POC5: variants seen among roughly 807,000 people sequenced by gnomAD.
POC5 encodes centrosomal protein POC5.
In POC5, 48 loss-of-function variants were observed where a neutral mutation model predicts 62.9. The observed-to-expected ratio is 0.76, with a 90% CI of 0.61 to 0.97. POC5 has a LOEUF of 0.97. Among genes scored for constraint, POC5 ranks in the 50% least tolerant of loss-of-function variants. The probability of loss-of-function intolerance (pLI) is 0.00; values close to 1 mark genes in which losing one functional copy is unlikely to be tolerated. For missense variants in POC5, 696 were observed against 679.5 expected (o/e 1.02, Z -0.27); for synonymous variants, 236 against 228.2 (o/e 1.03, Z -0.31).
intron 1 of POC5, among the ~76,000 whole-genome samples, chr5:75,715,947 T>G (rs968917062): frequency 6.6e-6 from 1 of 152,120 alleles, no homozygotes; most frequent in Non-Finnish European, 1.5e-5. Flanking sequence ...CAAAGAACCA[T>G]GAGGATTGGA....
intron 2 of POC5, 89 bp from the exon 3 acceptor site, chr5:75,707,964 CCAT>C: frequency 8.3e-7 from 1 of 1,197,714 alleles, no homozygotes; most frequent in Non-Finnish European, 1.2e-6. Flanking sequence ...AATTTAATTA[CCAT>C]AATAGAGTCC....
rs1024934118 is a variant in POC5, at chr5:75,712,215, G to A, written c.84+639C>T. 4 of 912,548 alleles carry A rather than the reference G, an allele frequency of 4.4e-6. No individual in the cohort carries two copies. In the African/African-American group the frequency reaches 6.7e-5, roughly 15 times the overall value. The allele number at this position is 912,548 out of a possible 1,614,324, so 56.5% of individuals were successfully genotyped here. Reference sequence around the variant, plus strand: ...TTAGGCATAAACAGCCTTTCCCCTTGAGTAATACAACTGTAAAATTTAAGA... The same window carrying A: ...TTAGGCATAAACAGCCTTTCCCCTTAAGTAATACAACTGTAAAATTTAAGA... On this transcript the variant is annotated intron_variant, in intron 2 of 11. Coordinates refer to ENST00000428202, the MANE Select transcript of POC5 (RefSeq NM_001099271.2).
intron 6 of POC5, 140 bp from the exon 7 acceptor site, chr5:75,692,640 T>C: frequency 2.3e-6 from 1 of 427,680 alleles, no homozygotes; most frequent in African/African-American, 2.0e-5. Context: ...CATTATTATC[T>C]TTAAAAAGAT....
chr5:75,702,279 T>C (rs890724762), intron 5 of POC5, among the ~76,000 whole-genome samples: 1 of 152,072 alleles, frequency 6.6e-6, no homozygotes, highest in Non-Finnish European at 1.5e-5. Context: ...TGTATACCTA[T>C]GTAACAAACC....
chr5:75,697,444 T>C (rs1183595719), intron 5 of POC5, among the ~76,000 whole-genome samples: 1 of 152,016 alleles, frequency 6.6e-6, no homozygotes, highest in Admixed American at 6.6e-5. Context: ...GAATTTCATA[T>C]CCAGCCAAAC....
intron 5 of POC5, among the ~76,000 whole-genome samples, chr5:75,698,745 C>G (rs199599245): frequency 6.6e-6 from 1 of 151,642 alleles, no homozygotes; most frequent in Non-Finnish European, 1.5e-5. Flanking sequence ...AATAGAGACA[C>G]AAAAAACCCT....
intron 5 of POC5, among the ~76,000 whole-genome samples, chr5:75,697,824 T>C (rs1375071991): frequency 1.3e-5 from 2 of 149,560 alleles, no homozygotes; most frequent in Non-Finnish European, 3.0e-5. Context: ...AGGAAACCCA[T>C]CTCACGGGCA....
chr5:75,694,752 T>G lies in POC5; in HGVS notation c.593A>C (p.Glu198Ala). ...TTGTTTTAAATGTGCTGCATGTTTT[T>G]CTTTCTCTTTTCTCATTTCCATTCG... ...WHRMEMRKEK[E>A]KHAAHLKQLC... The change falls in exon 6 of 12, where the codon GAA (glutamate) becomes GCA (alanine). Residue 198 changes from glutamate (E) to alanine (A), a missense_variant. Transcript: ENST00000428202. 1.3e-6 allele frequency: 2 copies of G among 1,594,318 alleles called. No homozygotes were observed. The highest frequency in any genetic ancestry group is 4.5e-5 in the East Asian group (2 of 44,634).
At chr5:75,709,746 C>T (rs1053499453) in intron 2 of POC5, 38 of 152,172 alleles carry the variant, frequency 2.5e-4, no homozygotes, top group Admixed American at 2.4e-3. Flanking sequence ...TAAATTGGGG[C>T]CATGCACAAG....
intron 5 of POC5, among the ~76,000 whole-genome samples, chr5:75,702,170 A>G (rs61173369): frequency 0.24 from 37,005 of 151,494 alleles, 4,746 homozygotes; most frequent in South Asian, 0.34. Context: ...CAGGGGGTGG[A>G]GGGTAAGGGG....
At chr5:75,674,709 A>G in intron 11 of POC5, 131 bp from the exon 12 acceptor site, 1 of 1,172,634 alleles carries the variant, frequency 8.5e-7, no homozygotes, top group Non-Finnish European at 1.2e-6. Context: ...CAATGAGTGG[A>G]GTGAAGCAGC....
Position 75,677,820 on chromosome 5 carries a change from G to A in POC5, c.1538C>T (p.Pro513Leu), listed in dbSNP as rs1035633933. Residue 513 changes from proline to leucine, a missense_variant, in exon 11 of 12, where the codon CCT becomes CTT. Pro to Leu is a moderately conservative substitution (Grantham distance 98). Coordinates refer to ENST00000428202, the MANE Select transcript of POC5 (RefSeq NM_001099271.2). ...TTCCACAACAACTGAGCTCATGGGA[G>A]GAGAAACTCCCATTATAGCTAAACT... is the stretch of plus-strand genomic sequence containing the variant. ...SSSLAIMGVS[P>L]PMSSVVVEKH... 9.3e-6 allele frequency: 15 copies of A among 1,612,084 alleles called. No individual in the cohort carries two copies. The highest frequency in any genetic ancestry group is 1.7e-5 in the Admixed American group (1 of 59,774).
intron 10 of POC5, among the ~76,000 whole-genome samples, 167 bp downstream of exon 10, chr5:75,685,040 C>A (rs937552874): frequency 6.6e-6 from 1 of 151,526 alleles, no homozygotes; most frequent in Non-Finnish European, 1.5e-5. Context: ...GCTAATTTTT[C>A]GTATTTTTAG....
chr5:75,675,694 C>A (rs553055549), intron 11 of POC5, among the ~76,000 whole-genome samples: 6 of 152,138 alleles, frequency 3.9e-5, no homozygotes, highest in African/African-American at 1.4e-4. Flanking sequence ...TTTTAGTTGC[C>A]AGTCACCTAA....
chr5:75,715,405 C>A (rs2112225926), intron 1 of POC5, among the ~76,000 whole-genome samples: 1 of 151,848 alleles, frequency 6.6e-6, no homozygotes, highest in Admixed American at 6.6e-5. Flanking sequence ...CTGGGGAGGC[C>A]TCAGGAAACT....
chr5:75,716,132 G>A (rs1742527760), intron 1 of POC5, among the ~76,000 whole-genome samples: 1 of 152,120 alleles, frequency 6.6e-6, no homozygotes, highest in South Asian at 2.1e-4. Context: ...AACACAGGCT[G>A]GAACTAAATT....
chr5:75,676,778 C>T (rs1302907597), intron 11 of POC5, among the ~76,000 whole-genome samples: 3 of 151,342 alleles, frequency 2.0e-5, no homozygotes, highest in East Asian at 1.9e-4. Context: ...GCCAACATTG[C>T]GCCATTGCAC....
At chr5:75,698,314 G>C (rs1776702314) in intron 5 of POC5, among the ~76,000 whole-genome samples, 1 of 150,752 alleles carries the variant, frequency 6.6e-6, no homozygotes, top group African/African-American at 2.4e-5. Flanking sequence ...CCACATACTT[G>C]GAAGTAAAGC....
Position 75,692,395 on chromosome 5 carries a change from C to T in POC5, c.795+1G>A, listed in dbSNP as rs1211177180. ...CAGCTGTCTTCTGCTTTGACACTTA[C>T]ATCCTGTCTGGCTCTGACATGGCCG... On this transcript the variant is annotated splice_donor_variant, in intron 7 of 11. Transcript: ENST00000428202. LOFTEE classifies it high-confidence loss of function. 8 of 1,579,018 alleles carry T rather than the reference C, an allele frequency of 5.1e-6. No individual in the cohort carries two copies. Among genetic ancestry groups the T allele is most frequent in the Non-Finnish European group, 6.9e-6 (8 of 1,161,086 alleles).
Sources: allele counts gnomAD v4.1 joint callset (sites outside exome capture counted in the v4.1 genomes callset), GRCh38; gene constraint gnomAD v4.1.1; transcripts MANE v1.5; gene names NCBI Gene and HGNC (gene_info 2026-07-23, HGNC 2026-07-21).